Variants in GTF3C1 observed in about 807,000 individuals in gnomAD.
GTF3C1 encodes general transcription factor IIIC subunit 1.
A neutral mutation model predicts 226.7 loss-of-function variants in GTF3C1; 57 were observed. That is an observed-to-expected ratio of 0.25 (90% CI 0.20 to 0.31). The LOEUF is 0.31. GTF3C1 is among the 10% of genes least tolerant of loss of function. GTF3C1 has a pLI of 1.00. For missense variants in GTF3C1, 2,217 were observed against 2,776.1 expected, an observed-to-expected ratio of 0.80 and a Z score of 4.53; for synonymous variants, 1,090 against 1,084.8, an observed-to-expected ratio of 1.00 and a Z score of -0.09.
intron 12 of GTF3C1, among the ~76,000 whole-genome samples, chr16:27,499,548 C>G (rs1040941391): frequency 1.3e-5 from 2 of 152,200 alleles, no homozygotes; most frequent in African/African-American, 4.8e-5. Context: ...TCAGAAAGAT[C>G]TGGAAACAGG....
rs1254987513 is a variant in GTF3C1 at position 27,498,650 on chromosome 16, G to A, written c.2145C>T (p.Ser715=). ...CTTGCCTGTTGGCTGTGCTTGAATT[G>A]GAGATCCGGAAGCGGACCTGCTCGA... ...SAIEQVRFRI[S]NSSTANRVKT... is the part of the protein sequence containing the mutation. The change falls in exon 13 of 37, where the codon TCC becomes TCT. Residue 715 remains serine, a synonymous_variant. Transcript: ENST00000356183. The A allele has an allele frequency of 6.3e-7, 1 of 1,590,804 alleles. No individual in the cohort carries two copies. The highest frequency in any genetic ancestry group is 8.6e-7 in the Non-Finnish European group (1 of 1,158,688).
intron 5 of GTF3C1, 55 bp downstream of exon 5, chr16:27,533,236 C>G (rs1359451524): frequency 1.2e-6 from 1 of 845,448 alleles, no homozygotes; most frequent in Non-Finnish European, 2.0e-6. Flanking sequence ...GACAAGACCT[C>G]CCGGCTATGG....
At chr16:27,516,216 C>T (rs1283495042) in intron 6 of GTF3C1, among the ~76,000 whole-genome samples, 1 of 152,238 alleles carries the variant, frequency 6.6e-6, no homozygotes, top group African/African-American at 2.4e-5. Flanking sequence ...GAAGGCGCCC[C>T]CCTGCTCTGG....
At chr16:27,475,014 G>C (rs926613786) in intron 29 of GTF3C1, among the ~76,000 whole-genome samples, 4 of 152,224 alleles carry the variant, frequency 2.6e-5, no homozygotes, top group African/African-American at 9.6e-5. Context: ...CTAGGGCCAG[G>C]GTGCTGCTCT....
chr16:27,509,432 C>G (rs971970693), intron 7 of GTF3C1, among the ~76,000 whole-genome samples: 4 of 152,180 alleles, frequency 2.6e-5, no homozygotes, highest in African/African-American at 9.7e-5. Context: ...GCAAGGCAGA[C>G]TTGGTTGCAA....
intron 6 of GTF3C1, among the ~76,000 whole-genome samples, chr16:27,518,188 G>GAC (rs113867049): frequency 0.012 from 1,842 of 149,368 alleles, 17 homozygotes; most frequent in East Asian, 0.056. Flanking sequence ...CCCCGCCCAA[G>GAC]ACACACACAC....
intron 6 of GTF3C1, among the ~76,000 whole-genome samples, chr16:27,515,290 C>CA (rs2088639400): frequency 6.6e-6 from 1 of 151,844 alleles, no homozygotes; most frequent in East Asian, 1.9e-4. Flanking sequence ...ATAACAAATA[C>CA]AAAAAATTAG....
At chr16:27,541,135 C>G (rs533162024) in intron 2 of GTF3C1, among the ~76,000 whole-genome samples, 2 of 152,298 alleles carry the variant, frequency 1.3e-5, no homozygotes, top group African/African-American at 4.8e-5. Flanking sequence ...GCCACTGCAC[C>G]AGGCAAAGAG....
At chr16:27,534,909 T>A (rs930406177) in intron 4 of GTF3C1, among the ~76,000 whole-genome samples, 2 of 151,890 alleles carry the variant, frequency 1.3e-5, no homozygotes, top group African/African-American at 4.8e-5. Flanking sequence ...ATTAGAATTG[T>A]TGGAGATTTG....
chr16:27,464,616 C>A lies in GTF3C1; in HGVS notation c.5576G>T (p.Gly1859Val), dbSNP rs1314203420. The change falls in exon 34 of 37, where the codon GGC becomes GTC. Residue 1859 changes from glycine to valine, a missense_variant. Gly to Val is a moderately radical substitution (Grantham distance 109, BLOSUM62 -3). This residue lies in a region of GTF3C1 where 455 missense variants were observed against 441.9 expected (regional missense o/e 1.03). Transcript: ENST00000356183. Reference protein sequence around the residue: ...GQAPPSHSPRGTKRRASWASE... With the variant: ...GQAPPSHSPRVTKRRASWASE... ...GGCCCAGCTGGCGCGCCTCTTGGTG[C>A]CCCGGGGGCTGTGAGAAGGAGGTGC... 1 of 1,500,358 alleles carries A rather than the reference C, an allele frequency of 6.7e-7. No homozygotes were observed. The highest frequency in any genetic ancestry group is 8.9e-7 in the Non-Finnish European group (1 of 1,124,976). 92.9% of individuals were successfully genotyped at this position (1,500,358 alleles called of 1,614,324 possible). A position where few individuals can be genotyped will look rare whatever the true frequency, so the allele number is the denominator to read the frequency against.
chr16:27,540,291 C>T (rs1054869270), intron 2 of GTF3C1, among the ~76,000 whole-genome samples: 3 of 152,184 alleles, frequency 2.0e-5, no homozygotes, highest in African/African-American at 4.8e-5. Flanking sequence ...TGTTATGTTG[C>T]GAATACACGA....
At chr16:27,506,264 C>A in intron 9 of GTF3C1, 148 bp from the exon 10 acceptor site, 1 of 597,702 alleles carries the variant, frequency 1.7e-6, no homozygotes, top group South Asian at 2.0e-5. Flanking sequence ...CAGCTTGGGC[C>A]CCTCCTTCTG....
At chr16:27,503,080 T>A in intron 10 of GTF3C1, 85 bp from the exon 11 acceptor site, 1 of 993,432 alleles carries the variant, frequency 1.0e-6, no homozygotes, top group Non-Finnish European at 1.6e-6. Flanking sequence ...GCACTGGCCC[T>A]CTTCAAGAAA....
chr16:27,509,401 C>T (rs968262481), intron 7 of GTF3C1, among the ~76,000 whole-genome samples: 8 of 152,122 alleles, frequency 5.3e-5, no homozygotes, highest in Non-Finnish European at 8.8e-5. Flanking sequence ...CAGGGAGTCC[C>T]AGCAGTAAAG....
At position 27,486,070 on chromosome 16, in the gene GTF3C1, C is replaced by T. The variant is rs756682862; in HGVS notation, c.3785G>A (p.Arg1262His). The T allele has an allele frequency of 1.3e-5, 21 of 1,610,928 alleles. No individual in the cohort carries two copies. Among genetic ancestry groups the T allele is most frequent in the Non-Finnish European group, 1.7e-5 (20 of 1,177,188 alleles). Residue 1262 changes from arginine to histidine, a missense_variant, in exon 24 of 37, where the codon CGT becomes CAT. Coordinates refer to ENST00000356183, the MANE Select transcript of GTF3C1 (RefSeq NM_001520.4). ...QSALQRMTRL[R>H]VTWSMQEDGL... ...ATCCTCCTGCATAGACCAGGTGACA[C>T]GAAGCCGCGTCATCCGCTGCAGGGC...
In GTF3C1 at chr16:27,488,577, C is replaced by T. The variant is rs564723729; in HGVS notation, c.3488G>A (p.Arg1163His). 3.1e-6 allele frequency: 5 copies of T among 1,613,942 alleles called. No homozygotes were observed. The South Asian group carries it at 3.3e-5, about 11-fold the overall frequency. Reference sequence around the variant, plus strand: ...ACCTCTGGCACTGAGGGGCATTGGGCGCTTGGACAGAAATGTCTGGAGCCT... The same window carrying T: ...ACCTCTGGCACTGAGGGGCATTGGGTGCTTGGACAGAAATGTCTGGAGCCT... ...TVRLQTFLSKRPMPLSARGNS... is the reference protein window; with the variant it reads ...TVRLQTFLSKHPMPLSARGNS... The change falls in exon 22 of 37, where the codon CGC (arginine) becomes CAC (histidine). Residue 1163 changes from arginine (R) to histidine (H), a missense_variant. This residue lies in a region of GTF3C1 where 546 missense variants were observed against 663.0 expected (regional missense o/e 0.82). Coordinates refer to ENST00000356183, the MANE Select transcript of GTF3C1 (RefSeq NM_001520.4).
At chr16:27,500,664 G>A (rs1029080459) in intron 12 of GTF3C1, among the ~76,000 whole-genome samples, 5 of 152,134 alleles carry the variant, frequency 3.3e-5, no homozygotes, top group Non-Finnish European at 7.3e-5. Context: ...GAATGTCCGT[G>A]AAGCTGCTGA....
At chr16:27,511,309 G>C (rs899678203) in intron 7 of GTF3C1, among the ~76,000 whole-genome samples, 1 of 152,196 alleles carries the variant, frequency 6.6e-6, no homozygotes, top group African/African-American at 2.4e-5. Context: ...AGAACTCCAG[G>C]CTCTCCAGCC....
In GTF3C1 at chr16:27,495,504, G is replaced by A. The variant is rs232071; in HGVS notation, c.2351-12C>T. 0.15 allele frequency: 236,736 copies of A among 1,607,296 alleles called. 18,928 individuals are homozygous for A. Among genetic ancestry groups the A allele is most frequent in the African/African-American group, 0.24 (18,268 of 74,864 alleles). ...CCCCAGTCCGGGAACTAAAGCAAGA[G>A]AGGGAGAGGGCGGTGCTTGAAAAAT... On this transcript the variant is annotated splice_polypyrimidine_tract_variant and intron_variant, in intron 14 of 36. Transcript: ENST00000356183.
Sources: gnomAD v4.1 joint callset for allele counts (sites outside exome capture counted in the v4.1 genomes callset) on GRCh38, gnomAD v4.1.1 for gene constraint, gnomAD v4.1.1 regional missense constraint, MANE v1.5 for transcripts, NCBI Gene and HGNC (gene_info 2026-07-23, HGNC 2026-07-21) for gene names.